G3BP2: variants seen among roughly 807,000 people sequenced by gnomAD.
G3BP2 encodes G3BP stress granule assembly factor 2.
A neutral mutation model predicts 56.7 loss-of-function variants in G3BP2; 11 were observed. The ratio of observed to expected loss-of-function variants is 0.19; its 90% CI spans 0.12 to 0.32. The LOEUF (loss-of-function observed/expected upper bound fraction) is 0.32. Among genes scored for constraint, G3BP2 ranks in the 10% least tolerant of loss-of-function variants. The pLI is 1.00. For missense variants in G3BP2, 340 were observed against 610.9 expected (o/e 0.56, Z 4.67); for synonymous variants, 165 against 191.6 (o/e 0.86, Z 1.15).
chr4:75,674,718 A>ATATATATATATATATATATT (rs1241041465), upstream of G3BP2, among the ~76,000 whole-genome samples: 2 of 71,432 alleles, frequency 2.8e-5, no homozygotes, highest in Admixed American at 1.9e-4. Flanking sequence ...ATATATATAT[A>ATATATATATATATATATATT]TTTTTTTTTT....
chr4:75,655,932 T>C (rs1021750963), intron 5 of G3BP2, 62 bp from the exon 6 acceptor site: 3 of 886,192 alleles, frequency 3.4e-6, no homozygotes, highest in Non-Finnish European at 1.9e-6. Context: ...AACGGACATA[T>C]TTTTAACATG....
chr4:75,673,081 T>A (rs1428809609), intron 1 of G3BP2, 127 bp downstream of exon 1: 1 of 1,025,026 alleles, frequency 9.8e-7, no homozygotes, highest in South Asian at 4.6e-5. Flanking sequence ...GCAAGAACAA[T>A]GTCTCTGCCG....
chr4:75,695,412 G>A (rs1282438013), intron 3 of G3BP2, among the ~76,000 whole-genome samples: 2 of 152,170 alleles, frequency 1.3e-5, no homozygotes, highest in Admixed American at 1.3e-4. Flanking sequence ...AGGGTCTGAG[G>A]GTCAAGACAG....
intron 7 of G3BP2, 140 bp downstream of exon 7, chr4:75,654,926 C>T: frequency 1.6e-6 from 1 of 633,946 alleles, no homozygotes; most frequent in East Asian, 2.8e-5. Flanking sequence ...TCTCAGGTAA[C>T]AAACAAACCC....
At chr4:75,654,660 C>A (rs1462859431) in intron 7 of G3BP2, among the ~76,000 whole-genome samples, 2 of 152,166 alleles carry the variant, frequency 1.3e-5, no homozygotes, top group Non-Finnish European at 2.9e-5. Flanking sequence ...AAACTGATCC[C>A]ATTTAAACCA....
intron 3 of G3BP2, among the ~76,000 whole-genome samples, chr4:75,702,990 G>A (rs1376950030): frequency 6.6e-6 from 1 of 152,202 alleles, no homozygotes; most frequent in Non-Finnish European, 1.5e-5. Context: ...TCAGGGAGGA[G>A]TCGAGGCTCC....
chr4:75,718,839 A>G (rs1417478936), intron 3 of G3BP2, among the ~76,000 whole-genome samples: 1 of 152,158 alleles, frequency 6.6e-6, no homozygotes, highest in African/African-American at 2.4e-5. Flanking sequence ...TACTAGGACT[A>G]TAGGTCCTGG....
At chr4:75,718,857 C>G (rs1720030926) in intron 3 of G3BP2, among the ~76,000 whole-genome samples, 1 of 152,026 alleles carries the variant, frequency 6.6e-6, no homozygotes, top group Non-Finnish European at 1.5e-5. Flanking sequence ...TGGCAGCCAT[C>G]TTGCCCCGCA....
At chr4:75,694,996 C>G in intron 3 of G3BP2, 3 of 926,206 alleles carry the variant, frequency 3.2e-6, no homozygotes, top group Non-Finnish European at 3.9e-6. Context: ...GATGAATATC[C>G]GGGAGAATGG....
At chr4:75,649,914 G>A (rs555666932) in intron 8 of G3BP2, among the ~76,000 whole-genome samples, 1 of 152,164 alleles carries the variant, frequency 6.6e-6, no homozygotes, top group Non-Finnish European at 1.5e-5. Flanking sequence ...GGGAGGCTGA[G>A]GCAGGAGAAT....
At chr4:75,702,256 A>G (rs777170716) in intron 3 of G3BP2, among the ~76,000 whole-genome samples, 1 of 140,862 alleles carries the variant, frequency 7.1e-6, no homozygotes, top group Non-Finnish European at 1.5e-5. Context: ...GCTTACTGTA[A>G]TTTCCATCTC....
chr4:75,713,293 A>C (rs1719821234), intron 3 of G3BP2, among the ~76,000 whole-genome samples: 1 of 152,226 alleles, frequency 6.6e-6, no homozygotes, highest in African/African-American at 2.4e-5. Context: ...TACAGGAGGC[A>C]GACTGGCAAC....
At chr4:75,655,008 T>C (rs1731980886) in intron 7 of G3BP2, 58 bp downstream of exon 7, 1 of 1,171,098 alleles carries the variant, frequency 8.5e-7, no homozygotes, top group Non-Finnish European at 1.2e-6. Context: ...CATACTTCAT[T>C]AACAGCACCA....
Position 75,648,685 on chromosome 4 carries a change from T to C in G3BP2, c.882A>G (p.Gln294=), listed in dbSNP as rs369125158. ...VQSQPPRVRE[Q]RPRERPGFPP... Reference sequence around the variant, plus strand: ...GAAAACCAGGTCGTTCTCTAGGTCGTTGTTCACGCACACGAGGTGGCTGAG... The same window carrying C: ...GAAAACCAGGTCGTTCTCTAGGTCGCTGTTCACGCACACGAGGTGGCTGAG... Residue 294 remains glutamine, a synonymous_variant, in exon 9 of 12, where the codon CAA becomes CAG. Coordinates refer to ENST00000359707, the MANE Select transcript of G3BP2 (RefSeq NM_203505.3). The C allele has an allele frequency of 6.2e-6, 10 of 1,612,058 alleles. No individual in the cohort carries two copies. In the East Asian group the frequency reaches 8.9e-5, roughly 14 times the overall value.
At chr4:75,661,248 C>G (rs1732527906) in intron 2 of G3BP2, among the ~76,000 whole-genome samples, 1 of 152,134 alleles carries the variant, frequency 6.6e-6, no homozygotes, top group Admixed American at 6.5e-5. Context: ...CCTGACTCAG[C>G]CTCCTAAGTA....
At chr4:75,711,889 T>G (rs1419477499) in intron 3 of G3BP2, among the ~76,000 whole-genome samples, 2 of 152,096 alleles carry the variant, frequency 1.3e-5, no homozygotes, top group African/African-American at 4.8e-5. Context: ...CCAGATGACA[T>G]TTCTCTTCCA....
At chr4:75,710,953 C>T (rs771614418) in intron 3 of G3BP2, among the ~76,000 whole-genome samples, 3 of 152,110 alleles carry the variant, frequency 2.0e-5, no homozygotes, top group Non-Finnish European at 4.4e-5. Flanking sequence ...CAGGAGACAC[C>T]GTGCCTGGCC....
chr4:75,722,460 G>A (rs183855963), intron 1 of G3BP2, among the ~76,000 whole-genome samples: 3 of 152,270 alleles, frequency 2.0e-5, no homozygotes, highest in Non-Finnish European at 4.4e-5. Flanking sequence ...TTAAATAAGA[G>A]GAGTAATAGA....
At chr4:75,711,300 T>C (rs1226311692) in intron 3 of G3BP2, among the ~76,000 whole-genome samples, 3 of 148,818 alleles carry the variant, frequency 2.0e-5, no homozygotes, top group Non-Finnish European at 3.0e-5. Context: ...GCCTGGGCGG[T>C]TGAGTGAGAC....
Sources: gnomAD v4.1 joint callset for allele counts (sites outside exome capture counted in the v4.1 genomes callset) on GRCh38, gnomAD v4.1.1 for gene constraint, MANE v1.5 for transcripts, NCBI Gene and HGNC (gene_info 2026-07-23, HGNC 2026-07-21) for gene names.